The following BRF1 variants were observed in gnomAD, a reference collection of about 807,000 sequenced individuals.
BRF1 encodes BRF1 general transcription factor IIIB subunit, also known as transcription factor IIIB 90 kDa subunit.
BRF1 carries 59 observed loss-of-function variants against 81.7 expected under a neutral mutation model. That is an observed-to-expected ratio of 0.72 (90% confidence interval 0.59 to 0.90). The LOEUF is 0.90. Ranked by LOEUF, BRF1 falls within the 40% of genes least tolerant of loss-of-function variation. BRF1 has a pLI of 0.00. For synonymous variants in BRF1, 491 were observed against 395.6 expected, an observed-to-expected ratio of 1.24 and a Z score of -2.86; for missense variants, 1,050 against 936.3, an observed-to-expected ratio of 1.12 and a Z score of -1.58.
intron 5 of BRF1, chr14:105,248,365 G>A: frequency 1.0e-6 from 1 of 985,494 alleles, no homozygotes; most frequent in Non-Finnish European, 1.2e-6. Flanking sequence ...ATGGCACTGC[G>A]GGTCTGGGGG....
In BRF1 at chr14:105,300,466, C is replaced by T. The variant is rs2140591128; in HGVS notation, c.164G>A (p.Gly55Asp). Residue 55 changes from glycine (G) to aspartate (D), a missense_variant, in exon 1 of 18, where the codon GGC becomes GAC. Physicochemically the swap from Gly to Asp is moderately conservative, Grantham distance 94. Transcript: ENST00000547530. ...CTCACCGTCCAGGGACACGAACTGG[C>T]CCACGGCCGAGGAGCCGCCGCCGCT... ...ESSGGGSSAV[G>D]QFVSLDGAGK... The T allele has an allele frequency of 1.3e-6, 2 of 1,532,492 alleles. No individual in the cohort carries two copies. Among genetic ancestry groups the T allele is most frequent in the Non-Finnish European group, 8.7e-7 (1 of 1,143,928 alleles). The allele number at this position is 1,532,492 out of a possible 1,614,324, so 94.9% of individuals were successfully genotyped here.
At chr14:105,214,121 C>G (rs1195070521) in intron 15 of BRF1, among the ~76,000 whole-genome samples, 1 of 152,218 alleles carries the variant, frequency 6.6e-6, no homozygotes, top group East Asian at 1.9e-4. Context: ...CCTGCTGACC[C>G]CGCTTGGCTG....
Position 105,210,581 on chromosome 14 carries a change from G to A in BRF1, c.2004C>T (p.Gly668=). The A allele has an allele frequency of 6.2e-7, 1 of 1,611,694 alleles. No individual in the cohort carries two copies. The highest frequency in any genetic ancestry group is 8.5e-7 in the Non-Finnish European group (1 of 1,179,882). The change falls in exon 18 of 18, where the codon GGC becomes GGT. Residue 668 remains glycine (G), a synonymous_variant. Coordinates refer to ENST00000547530, the MANE Select transcript of BRF1 (RefSeq NM_001519.4). The surrounding 1 kb of genome is among the most constrained non-coding windows in gnomAD (Gnocchi z 4.7). The part of the protein sequence containing the change: ...ALQMMGSNDY[G]CDGDEDDGY ...AGCCGTCGTCCTCATCGCCATCACAGCCATAGTCTGCAGAAGAGCACAGTC... is the reference window on the plus strand; with the variant it reads ...AGCCGTCGTCCTCATCGCCATCACAACCATAGTCTGCAGAAGAGCACAGTC...
intron 1 of BRF1, among the ~76,000 whole-genome samples, chr14:105,311,486 G>A (rs1043181616): frequency 6.6e-6 from 1 of 151,878 alleles, no homozygotes; most frequent in Non-Finnish European, 1.5e-5. Flanking sequence ...AACTCCTGAG[G>A]TCACGGGATC....
chr14:105,225,783 G>C (rs1486749876), intron 10 of BRF1, among the ~76,000 whole-genome samples: 3 of 152,178 alleles, frequency 2.0e-5, no homozygotes, highest in Non-Finnish European at 4.4e-5. Context: ...ATGGAGCTGG[G>C]ACTACAGGTG....
chr14:105,220,372 A>G (rs957556065), intron 11 of BRF1, among the ~76,000 whole-genome samples: 11 of 152,222 alleles, frequency 7.2e-5, no homozygotes, highest in African/African-American at 2.7e-4. Context: ...GGAAAACCCC[A>G]GCACTTCTGT....
Position 105,228,846 on chromosome 14 carries a change from T to C in BRF1, c.762A>G (p.Lys254=), listed in dbSNP as rs776597244. 2 of 1,613,906 alleles carry C rather than the reference T, an allele frequency of 1.2e-6. No individual in the cohort carries two copies. Among genetic ancestry groups the C allele is most frequent in the South Asian group, 1.1e-5 (1 of 91,088 alleles). ...TCTTCCGCAGCGTGGACTCACACAC[T>C]TTGACCACACTGATGACCTCCTTCA... is the stretch of plus-strand genomic sequence containing the variant. The part of the protein sequence containing the change: ...RTVKEVISVV[K]VCESTLRKRL... The change falls in exon 7 of 18, where the codon AAA becomes AAG. Residue 254 remains lysine, a synonymous_variant. Coordinates refer to ENST00000547530, the MANE Select transcript of BRF1 (RefSeq NM_001519.4).
chr14:105,282,994 G>T (rs1364055783), intron 2 of BRF1, among the ~76,000 whole-genome samples: 1 of 152,150 alleles, frequency 6.6e-6, no homozygotes, highest in East Asian at 1.9e-4. Flanking sequence ...GAGGCAGGAA[G>T]AGCCCAAAGC....
chr14:105,272,197 G>A lies in BRF1; in HGVS notation c.439+524C>T, dbSNP rs113859074. ...AAGCTGCACACCGCTGAGGGTCGGC[G>A]GCCTCCCCACCCACGGCCTGCAGTC... is the stretch of plus-strand genomic sequence containing the variant. On this transcript the variant is annotated intron_variant, in intron 3 of 17. Coordinates refer to ENST00000547530, the MANE Select transcript of BRF1 (RefSeq NM_001519.4). 1.8e-4 allele frequency among the ~76,000 whole-genome samples: 17 copies of A among 94,292 alleles called. 1 individual carries two copies. Among genetic ancestry groups the A allele is most frequent in the African/African-American group, 4.0e-4 (12 of 30,040 alleles). 61.9% of individuals were successfully genotyped at this position (94,292 alleles called of 152,430 possible). A position where few individuals can be genotyped will look rare whatever the true frequency, so the allele number is the denominator to read the frequency against.
intron 1 of BRF1, among the ~76,000 whole-genome samples, chr14:105,297,147 G>A (rs1009477013): frequency 6.6e-6 from 1 of 152,026 alleles, no homozygotes. Context: ...GACAGAGCGA[G>A]ACTCCATCTC....
intron 3 of BRF1, among the ~76,000 whole-genome samples, chr14:105,262,293 A>C (rs1005515776): frequency 6.6e-6 from 1 of 152,204 alleles, no homozygotes; most frequent in Non-Finnish European, 1.5e-5. Flanking sequence ...AACTTCCCAG[A>C]GACCACCCTG....
At chr14:105,229,558 C>A (rs949391984) in intron 6 of BRF1, among the ~76,000 whole-genome samples, 1 of 152,206 alleles carries the variant, frequency 6.6e-6, no homozygotes, top group Non-Finnish European at 1.5e-5. Context: ...CACCCACCAG[C>A]ACCAAGGGCA....
intron 2 of BRF1, 145 bp from the exon 3 acceptor site, chr14:105,273,039 A>G (rs2056726794): frequency 2.2e-6 from 2 of 914,692 alleles, no homozygotes; most frequent in African/African-American, 3.4e-5. Flanking sequence ...GTGGGTTCCA[A>G]TCACTTTTTA....
intron 1 of BRF1, among the ~76,000 whole-genome samples, chr14:105,289,606 C>T (rs148940778): frequency 9.8e-4 from 149 of 152,346 alleles, no homozygotes; most frequent in African/African-American, 3.4e-3. Flanking sequence ...CTCCGACCCT[C>T]CCTCAGAGTT....
rs764621452 is a variant in BRF1 at position 105,210,572 on chromosome 14, G to T, written c.2013C>A (p.Gly671=). Residue 671 remains glycine, a synonymous_variant, in exon 18 of 18, where the codon GGC becomes GGA. Transcript: ENST00000547530. This position sits in a 1 kb window ranked among gnomAD's most constrained non-coding sequence, Gnocchi z 4.7. ...MMGSNDYGCD[G]DEDDGY ...CACTTCAGTAGCCGTCGTCCTCATC[G>T]CCATCACAGCCATAGTCTGCAGAAG... is the stretch of plus-strand genomic sequence containing the variant. The T allele has an allele frequency of 5.0e-6, 8 of 1,611,294 alleles. No homozygotes were observed. Among genetic ancestry groups the T allele is most frequent in the African/African-American group, 1.3e-5 (1 of 74,872 alleles).
intron 1 of BRF1, among the ~76,000 whole-genome samples, chr14:105,297,293 G>A (rs2057785524): frequency 1.3e-5 from 2 of 152,154 alleles, no homozygotes; most frequent in South Asian, 4.1e-4. Context: ...TGTCAGCTGG[G>A]CACAGTGGCT....
At chr14:105,285,641 A>G (rs868864130) in intron 2 of BRF1, among the ~76,000 whole-genome samples, 6 of 152,348 alleles carry the variant, frequency 3.9e-5, no homozygotes, top group South Asian at 4.1e-4. Flanking sequence ...ACAGCCATCA[A>G]GAGACTAAAT....
intron 3 of BRF1, among the ~76,000 whole-genome samples, chr14:105,266,310 T>G (rs1595425853): frequency 6.6e-6 from 1 of 151,900 alleles, no homozygotes; most frequent in East Asian, 2.0e-4. Context: ...CTACTCGGGA[T>G]GCTGAGGCGA....
At chr14:105,273,683 C>G (rs2056756867) in intron 2 of BRF1, among the ~76,000 whole-genome samples, 1 of 152,292 alleles carries the variant, frequency 6.6e-6, no homozygotes, top group African/African-American at 2.4e-5. Context: ...GCAGGACGTG[C>G]CTTGTTAACA....
Sources: allele counts gnomAD v4.1 joint callset (sites outside exome capture counted in the v4.1 genomes callset), GRCh38; gene constraint gnomAD v4.1.1; non-coding constraint Gnocchi (gnomAD v3.1); transcripts MANE v1.5; gene names NCBI Gene and HGNC (gene_info 2026-07-23, HGNC 2026-07-21).